The following TTC29 variants were observed in gnomAD, a reference collection of about 807,000 sequenced individuals.
TTC29 encodes the protein tetratricopeptide repeat domain 29, also known as tetratricopeptide repeat protein 29.
TTC29 carries 49 observed loss-of-function variants against 58.1 expected under a neutral mutation model. The ratio of observed to expected loss-of-function variants is 0.84; its 90% CI spans 0.67 to 1.07. The LOEUF is 1.07. Ranked by LOEUF, TTC29 falls within the 50% of genes least tolerant of loss-of-function variation. The pLI is 0.00. For missense variants in TTC29, 582 were observed against 555.6 expected (o/e 1.05, Z -0.48); for synonymous variants, 209 against 196.8 (o/e 1.06, Z -0.52).
chr4:146,858,951 C>G (rs1192030530), intron 8 of TTC29, among the ~76,000 whole-genome samples: 2 of 152,106 alleles, frequency 1.3e-5, no homozygotes, highest in Non-Finnish European at 1.5e-5. Context: ...TTTGAGAGTG[C>G]CTTATCTGAG....
At chr4:146,887,015 C>T (rs894459231) in intron 6 of TTC29, among the ~76,000 whole-genome samples, 1 of 152,092 alleles carries the variant, frequency 6.6e-6, no homozygotes, top group Non-Finnish European at 1.5e-5. Context: ...AATAGTCAAA[C>T]TCATAGAAGC....
intron 7 of TTC29, 140 bp downstream of exon 7, chr4:146,874,576 T>C: frequency 1.4e-6 from 1 of 714,708 alleles, no homozygotes; most frequent in Non-Finnish European, 2.3e-6. Context: ...CAGTGAAATT[T>C]GAAAGTAAAT....
intron 6 of TTC29, among the ~76,000 whole-genome samples, chr4:146,899,551 C>T (rs902549521): frequency 2.2e-4 from 34 of 152,170 alleles, no homozygotes; most frequent in African/African-American, 7.7e-4. Flanking sequence ...AATGAGACTG[C>T]CAGCCCTTGA....
chr4:146,733,093 T>C (rs1744458752), intron 11 of TTC29, among the ~76,000 whole-genome samples: 1 of 152,000 alleles, frequency 6.6e-6, no homozygotes, highest in Non-Finnish European at 1.5e-5. Context: ...AGGATCTCAG[T>C]AGTTGGGGAG....
chr4:146,881,532 T>A (rs1473398320), intron 6 of TTC29, among the ~76,000 whole-genome samples: 1 of 152,108 alleles, frequency 6.6e-6, no homozygotes, highest in African/African-American at 2.4e-5. Context: ...AGAGATAAAA[T>A]CTGCTAGAAG....
intron 2 of TTC29, among the ~76,000 whole-genome samples, chr4:146,942,070 A>G (rs572802488): frequency 6.6e-6 from 1 of 152,358 alleles, no homozygotes; most frequent in South Asian, 2.1e-4. Flanking sequence ...GTGTTACTGA[A>G]AAAGATTATT....
At chr4:146,857,574 G>T (rs993718381) in intron 8 of TTC29, among the ~76,000 whole-genome samples, 2 of 152,120 alleles carry the variant, frequency 1.3e-5, no homozygotes. Flanking sequence ...AGGCAAACTG[G>T]CTGCAAGCAG....
At chr4:146,837,768 C>T (rs1220384760) in intron 8 of TTC29, among the ~76,000 whole-genome samples, 1 of 151,692 alleles carries the variant, frequency 6.6e-6, no homozygotes, top group Admixed American at 6.6e-5. Flanking sequence ...AATCTAGCAT[C>T]GCAAATCAGA....
At chr4:146,919,677 G>A (rs1176293748) in intron 4 of TTC29, among the ~76,000 whole-genome samples, 1 of 150,986 alleles carries the variant, frequency 6.6e-6, no homozygotes, top group East Asian at 1.9e-4. Flanking sequence ...ATAATTCTAT[G>A]ATACCCTCCA....
At chr4:146,708,308 T>TTATATATATATATA (rs59963230) in intron 11 of TTC29, among the ~76,000 whole-genome samples, 1 of 62,218 alleles carries the variant, frequency 1.6e-5, no homozygotes, top group Non-Finnish European at 2.7e-5. Flanking sequence ...TATGGGAAGT[T>TTATATATATATATA]TATATATATA....
chr4:146,723,149 G>C (rs1383882581), intron 11 of TTC29, among the ~76,000 whole-genome samples: 1 of 152,076 alleles, frequency 6.6e-6, no homozygotes, highest in African/African-American at 2.4e-5. Flanking sequence ...TCGGGAGGCT[G>C]AAGCAGGAGA....
intron 11 of TTC29, among the ~76,000 whole-genome samples, chr4:146,715,618 G>C (rs957766405): frequency 9.9e-5 from 15 of 152,236 alleles, no homozygotes; most frequent in Admixed American, 7.9e-4. Flanking sequence ...GGAAGGGTCG[G>C]GGGATGGGAG....
intron 11 of TTC29, among the ~76,000 whole-genome samples, chr4:146,789,716 CT>C (rs1326958874): frequency 1.3e-5 from 2 of 152,076 alleles, no homozygotes; most frequent in Non-Finnish European, 2.9e-5. Flanking sequence ...ATAGTAAGTT[CT>C]GTTTTGTCAA....
At chr4:146,813,781 C>T (rs1044403575) in intron 10 of TTC29, among the ~76,000 whole-genome samples, 7 of 152,048 alleles carry the variant, frequency 4.6e-5, no homozygotes, top group Non-Finnish European at 8.8e-5. Flanking sequence ...GGCAGGAGTT[C>T]GAGACGAACC....
chr4:146,889,243 G>T (rs1732192820), intron 6 of TTC29, among the ~76,000 whole-genome samples: 1 of 151,980 alleles, frequency 6.6e-6, no homozygotes. Flanking sequence ...ATAGTGTTGT[G>T]ATTAGATCCA....
At chr4:146,863,780 G>C (rs781745084) in intron 8 of TTC29, among the ~76,000 whole-genome samples, 1 of 152,032 alleles carries the variant, frequency 6.6e-6, no homozygotes, top group Non-Finnish European at 1.5e-5. Flanking sequence ...ATTCAGACGG[G>C]GTCTGAAGAC....
chr4:146,849,790 ACACTGC>A (rs1307264061), intron 8 of TTC29, among the ~76,000 whole-genome samples: 4 of 152,034 alleles, frequency 2.6e-5, no homozygotes, highest in African/African-American at 9.7e-5. Flanking sequence ...GCCCCCAGGC[ACACTGC>A]CACCTTAAGG....
chr4:146,816,157 CA>C (rs143219349), intron 10 of TTC29, among the ~76,000 whole-genome samples: 8,491 of 152,136 alleles, frequency 0.056, 822 homozygotes, highest in African/African-American at 0.19. Flanking sequence ...CCTATTCTAA[CA>C]AAAAATTTGG....
At chr4:146,851,061 T>G (rs1729486693) in intron 8 of TTC29, among the ~76,000 whole-genome samples, 1 of 152,218 alleles carries the variant, frequency 6.6e-6, no homozygotes, top group Non-Finnish European at 1.5e-5. Context: ...GATTTGTCTG[T>G]GATCTGTTAA....
Sources: allele counts gnomAD v4.1 joint callset (sites outside exome capture counted in the v4.1 genomes callset), GRCh38; gene constraint gnomAD v4.1.1; transcripts MANE v1.5; gene names NCBI Gene and HGNC (gene_info 2026-07-23, HGNC 2026-07-21).